Variants in KHDRBS2 observed in about 807,000 individuals in gnomAD.
The protein encoded by KHDRBS2 is KH domain-containing, RNA-binding, signal transduction-associated protein 2.
Under a neutral mutation model 44.3 loss-of-function variants are expected in KHDRBS2, and 26 were observed. The ratio of observed to expected loss-of-function variants is 0.59; its 90% CI spans 0.43 to 0.81. KHDRBS2 has a LOEUF of 0.81. Ranked by LOEUF, KHDRBS2 falls within the 40% of genes least tolerant of loss-of-function variation. The pLI is 0.00. For synonymous variants in KHDRBS2, 194 were observed against 151.1 expected (o/e 1.28, Z -2.08); for missense variants, 476 against 433.1 (o/e 1.10, Z -0.88).
chr6:62,258,442 C>T (rs1343280860), intron 1 of KHDRBS2, among the ~76,000 whole-genome samples: 1 of 151,938 alleles, frequency 6.6e-6, no homozygotes, highest in Admixed American at 6.6e-5. Context: ...TAAGTACTTA[C>T]GTATGAACAG....
At chr6:61,894,582 G>A (rs1802560112) in intron 6 of KHDRBS2, 53 bp downstream of exon 6, 1 of 1,431,862 alleles carries the variant, frequency 7.0e-7, no homozygotes, top group Non-Finnish European at 9.7e-7. Context: ...GACGTAGCTT[G>A]TTAACTAATC....
chr6:62,045,384 T>C (rs1787455955), intron 3 of KHDRBS2, among the ~76,000 whole-genome samples: 1 of 152,068 alleles, frequency 6.6e-6, no homozygotes, highest in African/African-American at 2.4e-5. Context: ...GATATTTCTA[T>C]GTTTGGCTCC....
At chr6:62,025,227 A>C (rs759428996) in intron 3 of KHDRBS2, among the ~76,000 whole-genome samples, 3 of 151,718 alleles carry the variant, frequency 2.0e-5, no homozygotes, top group Non-Finnish European at 4.4e-5. Context: ...TTTTGTAAAA[A>C]TATTATGTTA....
intron 2 of KHDRBS2, among the ~76,000 whole-genome samples, chr6:62,063,388 C>T (rs913357311): frequency 2.6e-5 from 4 of 151,362 alleles, no homozygotes. Flanking sequence ...CAATAAAATA[C>T]TGGCAAACCG....
At chr6:62,108,860 A>G (rs1318938360) in intron 2 of KHDRBS2, among the ~76,000 whole-genome samples, 1 of 152,014 alleles carries the variant, frequency 6.6e-6, no homozygotes, top group Non-Finnish European at 1.5e-5. Context: ...AAAACCAAAC[A>G]CCGCATGTTC....
chr6:61,689,888 C>T (rs1167827817), intron 8 of KHDRBS2, among the ~76,000 whole-genome samples: 2 of 151,858 alleles, frequency 1.3e-5, no homozygotes, highest in African/African-American at 2.4e-5. Flanking sequence ...TACATAGATA[C>T]ATATATATTT....
chr6:61,642,501 A>AC, the KHDRBS2 span, among the ~76,000 whole-genome samples: 1 of 150,628 alleles, frequency 6.6e-6, no homozygotes, highest in South Asian at 2.1e-4. Context: ...ATATTAAAAA[A>AC]AAAAAAAAAG....
chr6:62,065,940 GT>G (rs573410416), intron 2 of KHDRBS2, among the ~76,000 whole-genome samples: 1 of 149,536 alleles, frequency 6.7e-6, no homozygotes, highest in African/African-American at 2.4e-5. Flanking sequence ...CTTCTGCATT[GT>G]TTTTTTGTGC....
In KHDRBS2 at chr6:61,848,525, ATATATACATATATATG is replaced by A. The variant is rs1212075183; in HGVS notation, c.810+46094_810+46109del. Reference sequence around the variant, plus strand: ...TATATATATATGTATATATGTATATATATATACATATATATGTATATATATACATATATATATGTAT... The same window carrying A: ...TATATATATATGTATATATGTATATATATATATATACATATATATATGTAT... On this transcript the variant is annotated intron_variant, in intron 6 of 8. Transcript: ENST00000281156. Among the ~76,000 whole-genome samples, 5 of 58,444 alleles carry A rather than the reference ATATATACATATATATG, an allele frequency of 8.6e-5. 1 individual carries two copies. Among genetic ancestry groups the A allele is most frequent in the Non-Finnish European group, 1.6e-4 (5 of 32,240 alleles). The allele number at this position is 58,444 out of a possible 152,430, so 38.3% of individuals were successfully genotyped here.
intron 2 of KHDRBS2, among the ~76,000 whole-genome samples, chr6:62,068,432 G>C (rs1794248051): frequency 1.3e-5 from 2 of 151,290 alleles, no homozygotes; most frequent in South Asian, 4.2e-4. Context: ...TACATGATTT[G>C]CTAATATTTT....
the KHDRBS2 span, among the ~76,000 whole-genome samples, chr6:61,591,566 T>G: frequency 6.6e-6 from 1 of 152,068 alleles, no homozygotes; most frequent in East Asian, 1.9e-4. Context: ...GTAACTAAAC[T>G]CTAGTAACTC....
the KHDRBS2 span, among the ~76,000 whole-genome samples, chr6:61,613,010 TCCC>T: frequency 6.6e-6 from 1 of 151,704 alleles, no homozygotes; most frequent in Non-Finnish European, 1.5e-5. Flanking sequence ...CCGCCACAAC[TCCC>T]GGCTAATTTT....
At chr6:62,099,854 T>G (rs1801462289) in intron 2 of KHDRBS2, among the ~76,000 whole-genome samples, 1 of 152,188 alleles carries the variant, frequency 6.6e-6, no homozygotes, top group Admixed American at 6.5e-5. Flanking sequence ...GCGGGGATAT[T>G]AATGTTGTTG....
At chr6:61,980,219 A>G (rs1027830660) in intron 3 of KHDRBS2, among the ~76,000 whole-genome samples, 8 of 152,170 alleles carry the variant, frequency 5.3e-5, no homozygotes, top group Admixed American at 4.6e-4. Context: ...ATTGTGCAGG[A>G]AAGTGATCTA....
intron 6 of KHDRBS2, among the ~76,000 whole-genome samples, chr6:61,840,554 T>C (rs1793447058): frequency 1.3e-5 from 2 of 151,912 alleles, no homozygotes; most frequent in African/African-American, 2.4e-5. Flanking sequence ...ATAATAAGAG[T>C]AGCTGATTCT....
intron 4 of KHDRBS2, among the ~76,000 whole-genome samples, chr6:61,945,053 T>C (rs1812917616): frequency 7.5e-6 from 1 of 133,886 alleles, no homozygotes; most frequent in Admixed American, 8.3e-5. Context: ...ATCGTGCCAC[T>C]GCACTCCAGT....
chr6:61,749,035 C>T (rs1348666560), intron 6 of KHDRBS2, among the ~76,000 whole-genome samples: 7 of 99,394 alleles, frequency 7.0e-5, no homozygotes, highest in African/African-American at 8.4e-5. Flanking sequence ...TTTTTTGAGA[C>T]GGAGTCTCAC....
At chr6:61,722,824 C>T (rs960210619) in intron 7 of KHDRBS2, among the ~76,000 whole-genome samples, 5 of 151,954 alleles carry the variant, frequency 3.3e-5, no homozygotes, top group Non-Finnish European at 5.9e-5. Flanking sequence ...ATTCTCCTGC[C>T]TCAGCCTCCT....
Position 62,229,861 on chromosome 6 carries a change from C to T in KHDRBS2, c.92-52549G>A, listed in dbSNP as rs151014909. On this transcript the variant is annotated intron_variant, in intron 1 of 8. Transcript: ENST00000281156. ...TCCTGATGACAGAATCTGGATACCT[C>T]GGTTGCTGGTGCAGGATTTGCACAC... Among the ~76,000 whole-genome samples the T allele has an allele frequency of 2.5e-3, 388 of 152,290 alleles. 3 individuals carry two copies. Among genetic ancestry groups the T allele is most frequent in the African/African-American group, 8.4e-3 (351 of 41,554 alleles).
Sources: allele counts gnomAD v4.1 joint callset (sites outside exome capture counted in the v4.1 genomes callset), GRCh38; gene constraint gnomAD v4.1.1; transcripts MANE v1.5; gene names NCBI Gene and HGNC (gene_info 2026-07-23, HGNC 2026-07-21).